ATRNL1: variants seen among roughly 807,000 people sequenced by gnomAD.
ATRNL1 encodes the protein attractin like 1.
In ATRNL1, 95 loss-of-function variants were observed where a neutral mutation model predicts 182.7. The ratio of observed to expected loss-of-function variants is 0.52; its 90% CI spans 0.44 to 0.62. The LOEUF is 0.62. Ranked by LOEUF, ATRNL1 falls within the 20% of genes least tolerant of loss-of-function variation. The pLI is 0.00. For synonymous variants in ATRNL1, 576 were observed against 568.3 expected, an observed-to-expected ratio of 1.01 and a Z score of -0.19; for missense variants, 1,471 against 1,679.5, an observed-to-expected ratio of 0.88 and a Z score of 2.17.
chr10:115,791,451 TG>T (rs1230490886), intron 27 of ATRNL1, among the ~76,000 whole-genome samples: 1 of 152,170 alleles, frequency 6.6e-6, no homozygotes, highest in Non-Finnish European at 1.5e-5. Context: ...AGAAGCTCCC[TG>T]GGTGTTCGGA....
chr10:115,105,508 TG>T (rs1171911459), intron 1 of ATRNL1, among the ~76,000 whole-genome samples: 1 of 152,156 alleles, frequency 6.6e-6, no homozygotes, highest in African/African-American at 2.4e-5. Context: ...TCCAAGACAA[TG>T]GGGAAAATGT....
chr10:115,767,521 T>C (rs1232875219), intron 27 of ATRNL1, among the ~76,000 whole-genome samples: 1 of 152,122 alleles, frequency 6.6e-6, no homozygotes, highest in Non-Finnish European at 1.5e-5. Flanking sequence ...GAGTGCCACA[T>C]CAAATCCAAA....
At chr10:115,413,105 A>G (rs558369345) in intron 20 of ATRNL1, among the ~76,000 whole-genome samples, 1 of 152,274 alleles carries the variant, frequency 6.6e-6, no homozygotes, top group Admixed American at 6.5e-5. Context: ...CATGTGAGGA[A>G]TGAGGTGGGG....
intron 15 of ATRNL1, among the ~76,000 whole-genome samples, chr10:115,286,986 A>ATAT (rs1366132077): frequency 2.0e-5 from 3 of 151,952 alleles, no homozygotes; most frequent in Non-Finnish European, 4.4e-5. Flanking sequence ...ATGCCATTTT[A>ATAT]TATTACATAA....
chr10:115,386,710 A>G (rs1858374469), intron 19 of ATRNL1, among the ~76,000 whole-genome samples: 1 of 151,054 alleles, frequency 6.6e-6, no homozygotes, highest in Non-Finnish European at 1.5e-5. Context: ...CATGTGCACA[A>G]TGTGCAGGTT....
At chr10:115,655,437 T>C (rs1254485292) in intron 26 of ATRNL1, among the ~76,000 whole-genome samples, 10 of 152,226 alleles carry the variant, frequency 6.6e-5, no homozygotes, top group African/African-American at 2.4e-4. Context: ...TTTTTCTTCA[T>C]AGATCGACAT....
intron 20 of ATRNL1, among the ~76,000 whole-genome samples, chr10:115,405,572 AC>A (rs1325240089): frequency 6.6e-6 from 1 of 152,258 alleles, no homozygotes; most frequent in East Asian, 1.9e-4. Context: ...TCTCACCTCA[AC>A]ATAATGTTTT....
chr10:115,589,592 C>G (rs191793781), intron 26 of ATRNL1, among the ~76,000 whole-genome samples: 1 of 152,074 alleles, frequency 6.6e-6, no homozygotes, highest in Non-Finnish European at 1.5e-5. Flanking sequence ...TTCCCTCTCC[C>G]CCTTATTATT....
At chr10:115,420,293 C>T (rs1189357093) in intron 20 of ATRNL1, among the ~76,000 whole-genome samples, 1 of 152,094 alleles carries the variant, frequency 6.6e-6, no homozygotes, top group Non-Finnish European at 1.5e-5. Context: ...ATCCACCTGC[C>T]TCGGCCTCCC....
At chr10:115,479,586 A>G (rs1848672448) in intron 24 of ATRNL1, among the ~76,000 whole-genome samples, 1 of 151,446 alleles carries the variant, frequency 6.6e-6, no homozygotes. Context: ...TCCTTTAGAA[A>G]TTCTAGTGAC....
At position 115,193,328 on chromosome 10, in the gene ATRNL1, T is replaced by G. The variant is rs574517282; in HGVS notation, c.1348+22036T>G. ...AATTGAAATGGCCGTATGATTTTTC[T>G]CTTCATTCTGTTGACACCATCAGGT... On this transcript the variant is annotated intron_variant, in intron 8 of 28. Coordinates refer to ENST00000355044, the MANE Select transcript of ATRNL1 (RefSeq NM_207303.4). Among the ~76,000 whole-genome samples, 2 of 152,164 alleles carry G rather than the reference T, an allele frequency of 1.3e-5. 1 individual carries two copies. Among genetic ancestry groups the G allele is most frequent in the South Asian group, 4.1e-4 (2 of 4,826 alleles).
chr10:115,558,732 A>G (rs1475843095), intron 26 of ATRNL1, among the ~76,000 whole-genome samples: 1 of 152,040 alleles, frequency 6.6e-6, no homozygotes, highest in Non-Finnish European at 1.5e-5. Context: ...CTGTTTTAGA[A>G]ATTTGCTCAA....
chr10:115,737,573 T>G (rs562070066), intron 27 of ATRNL1, among the ~76,000 whole-genome samples: 1 of 152,332 alleles, frequency 6.6e-6, no homozygotes, highest in South Asian at 2.1e-4. Flanking sequence ...TTGCCATTCC[T>G]CCTCCTGGCC....
chr10:115,717,548 CTTTTTT>C (rs61386440), intron 26 of ATRNL1, among the ~76,000 whole-genome samples: 1 of 84,348 alleles, frequency 1.2e-5, no homozygotes, highest in Non-Finnish European at 2.2e-5. Context: ...CTGAAATGTT[CTTTTTT>C]TTTTTTTTTT....
chr10:115,425,719 T>C (rs1381647878), intron 20 of ATRNL1, among the ~76,000 whole-genome samples: 3 of 152,116 alleles, frequency 2.0e-5, no homozygotes, highest in African/African-American at 7.2e-5. Context: ...GAGAAACCTT[T>C]TTTTCCAATT....
At chr10:115,878,917 A>C (rs1449171256) in intron 28 of ATRNL1, among the ~76,000 whole-genome samples, 1 of 152,184 alleles carries the variant, frequency 6.6e-6, no homozygotes, top group Non-Finnish European at 1.5e-5. Flanking sequence ...AGGGATCAGA[A>C]AAGATGAAAA....
intron 21 of ATRNL1, among the ~76,000 whole-genome samples, chr10:115,430,543 G>C (rs1846109282): frequency 6.6e-6 from 1 of 151,990 alleles, no homozygotes; most frequent in Non-Finnish European, 1.5e-5. Context: ...TGCATGTGCT[G>C]CCTGTTATAT....
intron 26 of ATRNL1, among the ~76,000 whole-genome samples, chr10:115,617,325 C>T (rs1857487244): frequency 6.6e-6 from 1 of 152,060 alleles, no homozygotes; most frequent in East Asian, 1.9e-4. Context: ...GCCTATAACC[C>T]CTTTGTGTCT....
chr10:115,852,270 G>A (rs184255078), intron 28 of ATRNL1, among the ~76,000 whole-genome samples: 7 of 152,284 alleles, frequency 4.6e-5, no homozygotes, highest in Non-Finnish European at 7.4e-5. Context: ...CTAAGGTTTT[G>A]AAATTCTGAA....
Sources: gnomAD v4.1 joint callset for allele counts (sites outside exome capture counted in the v4.1 genomes callset) on GRCh38, gnomAD v4.1.1 for gene constraint, MANE v1.5 for transcripts, NCBI Gene and HGNC (gene_info 2026-07-23, HGNC 2026-07-21) for gene names.